Variants in EHMT1 observed in about 807,000 individuals in gnomAD.
EHMT1 encodes euchromatic histone lysine methyltransferase 1, also known as histone-lysine N-methyltransferase EHMT1.
EHMT1 carries 15 observed loss-of-function variants against 147.2 expected under a neutral mutation model. The ratio of observed to expected loss-of-function variants is 0.10; its 90% confidence interval spans 0.07 to 0.16. The LOEUF (loss-of-function observed/expected upper bound fraction) is 0.16. EHMT1 is among the 10% of genes least tolerant of loss of function. The probability of loss-of-function intolerance (pLI) is 1.00; values close to 1 mark genes in which losing one functional copy is unlikely to be tolerated. For synonymous variants in EHMT1, 795 were observed against 709.6 expected, an observed-to-expected ratio of 1.12 and a Z score of -1.91; for missense variants, 1,587 against 1,772.4, an observed-to-expected ratio of 0.90 and a Z score of 1.88.
intron 13 of EHMT1, 132 bp downstream of exon 13, chr9:137,778,187 A>C: frequency 1.6e-6 from 2 of 1,221,416 alleles, no homozygotes; most frequent in Non-Finnish European, 1.2e-6. Context: ...TAATTCGTAT[A>C]TTTTCACACT....
At chr9:137,767,548 C>A (rs1240639282) in intron 10 of EHMT1, among the ~76,000 whole-genome samples, 1 of 152,184 alleles carries the variant, frequency 6.6e-6, no homozygotes, top group Admixed American at 6.5e-5. Flanking sequence ...TGAGGTGGCT[C>A]ACGCCTATAA....
chr9:137,680,545 T>C (rs1200863710), intron 1 of EHMT1, among the ~76,000 whole-genome samples: 1 of 152,218 alleles, frequency 6.6e-6, no homozygotes, highest in Non-Finnish European at 1.5e-5. Flanking sequence ...GAAGGAATAG[T>C]CCATGAGAAA....
intron 6 of EHMT1, 51 bp from the exon 7 acceptor site, chr9:137,752,280 T>C (rs1195965692): frequency 1.9e-6 from 3 of 1,591,770 alleles, no homozygotes; most frequent in Non-Finnish European, 2.6e-6. Flanking sequence ...AAGGATGTAA[T>C]TGGTTTCTGT....
At chr9:137,802,761 G>C in intron 18 of EHMT1, 3 of 1,203,990 alleles carry the variant, frequency 2.5e-6, no homozygotes, top group Non-Finnish European at 3.1e-6. Context: ...CTGGTCCTGA[G>C]CTGCAGTGCC....
chr9:137,757,179 C>T lies in EHMT1; in HGVS notation c.1370-701C>T, dbSNP rs1040189743. Among the ~76,000 whole-genome samples the T allele has an allele frequency of 3.5e-4, 54 of 152,362 alleles. No homozygotes were observed. In the Middle Eastern group the frequency reaches 0.01, roughly 29 times the overall value. ...TCCTGGGAAGTGTGGACAGGCTGGC[C>T]TGGCCACCACTCGTGTGTCCTTGAG... On this transcript the variant is annotated intron_variant, in intron 8 of 26. Transcript: ENST00000460843.
chr9:137,678,159 T>C (rs1485157016), intron 1 of EHMT1, among the ~76,000 whole-genome samples: 1 of 152,196 alleles, frequency 6.6e-6, no homozygotes, highest in Non-Finnish European at 1.5e-5. Flanking sequence ...TCCACTAATA[T>C]AAAAAATCTG....
At chr9:137,713,673 G>C (rs1217015756) in intron 2 of EHMT1, among the ~76,000 whole-genome samples, 1 of 151,864 alleles carries the variant, frequency 6.6e-6, no homozygotes, top group Non-Finnish European at 1.5e-5. Flanking sequence ...TGATTGGCTG[G>C]GCACACTGGC....
At position 137,775,362 on chromosome 9, in the gene EHMT1, C is replaced by T. The variant is rs1434536970; in HGVS notation, c.1791+110C>T. The T allele has an allele frequency of 1.0e-5, 15 of 1,490,044 alleles. 1 individual carries two copies. Among genetic ancestry groups the T allele is most frequent in the Non-Finnish European group, 1.4e-5 (15 of 1,104,904 alleles). The allele number at this position is 1,490,044 out of a possible 1,614,324, so 92.3% of individuals were successfully genotyped here. On this transcript the variant is annotated intron_variant, in intron 11 of 26. Coordinates refer to ENST00000460843, the MANE Select transcript of EHMT1 (RefSeq NM_024757.5). The surrounding 1 kb of genome is among the most constrained non-coding windows in gnomAD (Gnocchi z 6.1). ...TGCTGTCGGGTGGTCCAGCAGCTGG[C>T]CCAGGTCTGGTGTCCGTCTGGAGGT...
chr9:137,757,225 T>C (rs893467289), intron 8 of EHMT1, among the ~76,000 whole-genome samples: 10 of 152,200 alleles, frequency 6.6e-5, no homozygotes, highest in African/African-American at 2.4e-4. Flanking sequence ...CCCACAGAAG[T>C]GTTTGCACCC....
At chr9:137,646,085 C>T (rs935017392) in intron 1 of EHMT1, among the ~76,000 whole-genome samples, 2 of 151,988 alleles carry the variant, frequency 1.3e-5, no homozygotes, top group African/African-American at 2.4e-5. Flanking sequence ...CAGCCTCCCG[C>T]GTAGCTGGGA....
Position 137,811,476 on chromosome 9 carries a change from C to G in EHMT1, c.2728C>G (p.Leu910Val). Residue 910 changes from leucine to valine, a missense_variant, in exon 19 of 27, where the codon CTG (leucine) becomes GTG (valine). Leu to Val is a conservative substitution (Grantham distance 32, BLOSUM62 1). This residue lies in a region of EHMT1 where 201 missense variants were observed against 350.1 expected (regional missense o/e 0.57). Coordinates refer to ENST00000460843, the MANE Select transcript of EHMT1 (RefSeq NM_024757.5). Reference sequence around the variant, plus strand: ...GTCTGTTCAGGAGGAGAACATTTGCCTGCACTGGGCGGCGTTCTCCGGCTG... The same window carrying G: ...GTCTGTTCAGGAGGAGAACATTTGCGTGCACTGGGCGGCGTTCTCCGGCTG... ...NIRDNEENIC[L>V]HWAAFSGCVD... The G allele has an allele frequency of 6.2e-7, 1 of 1,612,634 alleles. No homozygotes were observed. Among genetic ancestry groups the G allele is most frequent in the Non-Finnish European group, 8.5e-7 (1 of 1,180,022 alleles).
chr9:137,717,636 C>A (rs1316440339), intron 3 of EHMT1, among the ~76,000 whole-genome samples: 1 of 148,612 alleles, frequency 6.7e-6, no homozygotes, highest in Non-Finnish European at 1.5e-5. Flanking sequence ...AGAGATGCTG[C>A]TAATGCCTTG....
Position 137,711,592 on chromosome 9 carries a change from G to A in EHMT1, c.85+562G>A, listed in dbSNP as rs553893408. Among the ~76,000 whole-genome samples, 7 of 152,340 alleles carry A rather than the reference G, an allele frequency of 4.6e-5. No individual in the cohort carries two copies. In the East Asian group the frequency reaches 1.3e-3, roughly 29 times the overall value. Reference sequence around the variant, plus strand: ...CAGTGGTTACCAGGAGGTGGAGGGAGTGGTGTGGAAGCAAGTGTCTGCAGA... The same window carrying A: ...CAGTGGTTACCAGGAGGTGGAGGGAATGGTGTGGAAGCAAGTGTCTGCAGA... On this transcript the variant is annotated intron_variant, in intron 2 of 26. Coordinates refer to ENST00000460843, the MANE Select transcript of EHMT1 (RefSeq NM_024757.5).
chr9:137,817,402 C>G (rs1429302971), intron 23 of EHMT1, 37 bp from the exon 24 acceptor site: 1 of 1,611,688 alleles, frequency 6.2e-7, no homozygotes, highest in East Asian at 2.2e-5. Context: ...CAGGCTGAGG[C>G]TGTGGCCTGG....
At chr9:137,707,377 G>A (rs570586277) in intron 1 of EHMT1, among the ~76,000 whole-genome samples, 6 of 152,338 alleles carry the variant, frequency 3.9e-5, no homozygotes, top group South Asian at 2.1e-4. Flanking sequence ...GGGCGGAGCC[G>A]CTGCCTTGCA....
chr9:137,712,531 C>T lies in EHMT1; in HGVS notation c.85+1501C>T, dbSNP rs78821918. Among the ~76,000 whole-genome samples, 58 of 152,296 alleles carry T rather than the reference C, an allele frequency of 3.8e-4. 1 individual carries two copies. In the East Asian group the frequency reaches 9.8e-3, roughly 26 times the overall value. On this transcript the variant is annotated intron_variant, in intron 2 of 26. Transcript: ENST00000460843. ...GTGGTTTTGGTTTGCATTTTCCTGACGGCCAGTGATGTTGAGCATCATTTC... is the reference window on the plus strand; with the variant it reads ...GTGGTTTTGGTTTGCATTTTCCTGATGGCCAGTGATGTTGAGCATCATTTC...
chr9:137,669,546 C>A (rs963940105), intron 1 of EHMT1, among the ~76,000 whole-genome samples: 1 of 148,866 alleles, frequency 6.7e-6, no homozygotes, highest in East Asian at 2.0e-4. Context: ...CCCAAGACGC[C>A]CCGCACAGCA....
At chr9:137,695,598 T>G (rs935598488) in intron 1 of EHMT1, among the ~76,000 whole-genome samples, 3 of 152,270 alleles carry the variant, frequency 2.0e-5, no homozygotes, top group South Asian at 4.1e-4. Context: ...GGGGGTGGTG[T>G]TAGTGTGGGC....
At chr9:137,811,404 C>G (rs1954475504) in intron 18 of EHMT1, 57 bp from the exon 19 acceptor site, 4 of 1,607,362 alleles carry the variant, frequency 2.5e-6, no homozygotes, top group Non-Finnish European at 3.4e-6. Flanking sequence ...GTGGCCCAGC[C>G]CCAGCACTGT....
Sources: gnomAD v4.1 joint callset for allele counts (sites outside exome capture counted in the v4.1 genomes callset) on GRCh38, gnomAD v4.1.1 for gene constraint, gnomAD v4.1.1 regional missense constraint, Gnocchi (gnomAD v3.1) non-coding constraint, MANE v1.5 for transcripts, NCBI Gene and HGNC (gene_info 2026-07-23, HGNC 2026-07-21) for gene names.